POTEH: variants seen among roughly 807,000 people sequenced by gnomAD.
POTEH encodes the protein ANKRD26-like family C member 3.
POTEH carries 6 observed loss-of-function variants against 41.7 expected under a neutral mutation model. That is an observed-to-expected ratio of 0.14 (90% confidence interval 0.08 to 0.28). The LOEUF is 0.28. Among genes scored for constraint, POTEH ranks in the 10% least tolerant of loss-of-function variants. The pLI, the probability that POTEH is intolerant of heterozygous loss-of-function variation, is 1.00. For synonymous variants in POTEH, 38 were observed against 179.9 expected (o/e 0.21, Z 6.31); for missense variants, 115 against 533.5 (o/e 0.22, Z 7.73).
rs1398001818 is a variant in POTEH at position 15,690,809 on chromosome 22, A to C, written c.632+100A>C. 2.9e-6 allele frequency: 4 copies of C among 1,359,796 alleles called. 1 individual carries two copies. Among genetic ancestry groups the C allele is most frequent in the Non-Finnish European group, 4.1e-6 (4 of 982,274 alleles). 84.2% of individuals were successfully genotyped at this position (1,359,796 alleles called of 1,614,324 possible). On this transcript the variant is annotated intron_variant, in intron 1 of 10. Transcript: ENST00000343518. ...GGGAGCCTGGTTTTCTTGCCTCCAC[A>C]GGCCTCACACCACCCTGGATGTGGA...
chr22:15,692,008 A>ATATATATATATATAT (rs1192187472), intron 1 of POTEH, among the ~76,000 whole-genome samples: 3 of 115,548 alleles, frequency 2.6e-5, no homozygotes, highest in South Asian at 2.6e-4. Context: ...ATATATATAT[A>ATATATATATATATAT]AATTTCTTTT....
Position 15,691,981 on chromosome 22 carries a change from G to GATATATATATATATAT in POTEH, c.632+1275_632+1276insTATATATATATATATA, listed in dbSNP as rs1403078945. ...ACACAAGTGCCTATTTACATATGCAGATACATATATATATATATATATATA... is the reference window on the plus strand; with the variant it reads ...ACACAAGTGCCTATTTACATATGCAGATATATATATATATATATACATATATATATATATATATATA... On this transcript the variant is annotated intron_variant, in intron 1 of 10. Coordinates refer to ENST00000343518, the MANE Select transcript of POTEH (RefSeq NM_001136213.1). Among the ~76,000 whole-genome samples, 47 of 122,864 alleles carry GATATATATATATATAT rather than the reference G, an allele frequency of 3.8e-4. 1 individual carries two copies. Among genetic ancestry groups the GATATATATATATATAT allele is most frequent in the Non-Finnish European group, 6.0e-4 (34 of 57,070 alleles). The allele number at this position is 122,864 out of a possible 152,430, so 80.6% of individuals were successfully genotyped here. A position where few individuals can be genotyped will look rare whatever the true frequency, so the allele number is the denominator to read the frequency against.
intron 1 of POTEH, among the ~76,000 whole-genome samples, chr22:15,691,625 C>G (rs1416757055): frequency 7.0e-6 from 1 of 143,204 alleles, no homozygotes. Context: ...CACATGCTGT[C>G]TTTTATTATT....
Position 15,717,086 on chromosome 22 carries a change from A to G in POTEH, c.1521-2574A>G, listed in dbSNP as rs547919482. 4.8e-5 allele frequency among the ~76,000 whole-genome samples: 4 copies of G among 82,950 alleles called. 2 individuals carry two copies. Among genetic ancestry groups the G allele is most frequent in the Non-Finnish European group, 1.0e-4 (4 of 38,280 alleles). The allele number at this position is 82,950 out of a possible 152,430, so 54.4% of individuals were successfully genotyped here. A position where few individuals can be genotyped will look rare whatever the true frequency, so the allele number is the denominator to read the frequency against. On this transcript the variant is annotated intron_variant, in intron 9 of 10. Coordinates refer to ENST00000343518, the MANE Select transcript of POTEH (RefSeq NM_001136213.1). ...GAATTACCCAGTCTCGGGTATGTACATACGTATATGTGTGAGTGTATATAC... is the reference window on the plus strand; with the variant it reads ...GAATTACCCAGTCTCGGGTATGTACGTACGTATATGTGTGAGTGTATATAC...
intron 1 of POTEH, among the ~76,000 whole-genome samples, chr22:15,691,266 G>A (rs1472996920): frequency 6.4e-5 from 9 of 140,760 alleles, no homozygotes; most frequent in Non-Finnish European, 8.0e-5. Flanking sequence ...GCTCACACCT[G>A]TAATCCCAGC....
At position 15,690,263 on chromosome 22, in the gene POTEH, C is replaced by T. The variant is rs570524378; in HGVS notation, c.186C>T (p.Gly62=). ...SAMKTLRSKM[G]KWCCHCFPWC... ...TGAAGACACTCAGGAGCAAGATGGGCAAGTGGTGCTGCCACTGCTTCCCCT... is the reference window on the plus strand; with the variant it reads ...TGAAGACACTCAGGAGCAAGATGGGTAAGTGGTGCTGCCACTGCTTCCCCT... The change falls in exon 1 of 11, where the codon GGC becomes GGT. Residue 62 remains glycine, a synonymous_variant. Transcript: ENST00000343518. The T allele has an allele frequency of 1.4e-6, 2 of 1,410,600 alleles. No homozygotes were observed. The highest frequency in any genetic ancestry group is 2.0e-6 in the Non-Finnish European group (2 of 1,020,900). The allele number at this position is 1,410,600 out of a possible 1,614,324, so 87.4% of individuals were successfully genotyped here.
At chr22:15,718,810 G>A (rs1989961084) in intron 9 of POTEH, among the ~76,000 whole-genome samples, 1 of 151,158 alleles carries the variant, frequency 6.6e-6, no homozygotes. Context: ...AAGTAAAATG[G>A]AAAATGCTTA....
Position 15,690,106 on chromosome 22 carries a change from C to A in POTEH, c.29C>A (p.Ala10Asp), listed in dbSNP as rs1461983479. The A allele has an allele frequency of 7.1e-7, 1 of 1,407,374 alleles. No individual in the cohort carries two copies. The highest frequency in any genetic ancestry group is 1.2e-5 in the South Asian group (1 of 85,790). 87.2% of individuals were successfully genotyped at this position (1,407,374 alleles called of 1,614,324 possible). The change falls in exon 1 of 11, where the codon GCT becomes GAT. Residue 10 changes from alanine (A) to aspartate (D), a missense_variant. Physicochemically the swap from Ala to Asp is moderately radical, Grantham distance 126 (BLOSUM62 -2). Transcript: ENST00000343518. ...GTGGCTGAGGCTGGTTCAATGCCGG[C>A]TGCCTCCTCTGTGAAGAAGCCATTT... Reference protein sequence around the residue: MVAEAGSMPAASSVKKPFGL... With the variant: MVAEAGSMPDASSVKKPFGL...
In POTEH at chr22:15,693,152, C is replaced by T. The variant is rs1195489155; in HGVS notation, c.633-2219C>T. ...AAAATCAGTTTGTTACACATATACACGAACAGAATCTGCTCTTGTGTTAGC... is the reference window on the plus strand; with the variant it reads ...AAAATCAGTTTGTTACACATATACATGAACAGAATCTGCTCTTGTGTTAGC... On this transcript the variant is annotated intron_variant, in intron 1 of 10. Coordinates refer to ENST00000343518, the MANE Select transcript of POTEH (RefSeq NM_001136213.1). Among the ~76,000 whole-genome samples the T allele has an allele frequency of 2.8e-3, 372 of 133,938 alleles. 2 individuals carry two copies. Among genetic ancestry groups the T allele is most frequent in the African/African-American group, 9.5e-3 (348 of 36,770 alleles). 87.9% of individuals were successfully genotyped at this position (133,938 alleles called of 152,430 possible). A position where few individuals can be genotyped will look rare whatever the true frequency, so the allele number is the denominator to read the frequency against.
chr22:15,714,254 G>A (rs1989884382), intron 9 of POTEH, among the ~76,000 whole-genome samples: 1 of 152,170 alleles, frequency 6.6e-6, no homozygotes, highest in Non-Finnish European at 1.5e-5. Flanking sequence ...GGAATTGATA[G>A]TCCTGGTTTT....
rs1346753569 is a variant in POTEH, at chr22:15,691,517, C to T, written c.632+808C>T. Among the ~76,000 whole-genome samples the T allele has an allele frequency of 7.0e-5, 7 of 100,390 alleles. 1 individual carries two copies. Among genetic ancestry groups the T allele is most frequent in the Admixed American group, 2.2e-4 (2 of 9,026 alleles). 65.9% of individuals were successfully genotyped at this position (100,390 alleles called of 152,430 possible). On this transcript the variant is annotated intron_variant, in intron 1 of 10. Coordinates refer to ENST00000343518, the MANE Select transcript of POTEH (RefSeq NM_001136213.1). ...GTAGAGCCTGGGAGACAGAGCAAGACTCCGTCTCAAAAAAAAAAAAAAAAA... is the reference window on the plus strand; with the variant it reads ...GTAGAGCCTGGGAGACAGAGCAAGATTCCGTCTCAAAAAAAAAAAAAAAAA...
chr22:15,703,568 A>C (rs1233871223), intron 6 of POTEH, among the ~76,000 whole-genome samples: 1 of 137,758 alleles, frequency 7.3e-6, no homozygotes, highest in African/African-American at 2.7e-5. Context: ...ACCATTTGCC[A>C]AAAGAGTGTC....
At chr22:15,690,848 T>C (rs563659851) in intron 1 of POTEH, 139 bp downstream of exon 1, 1 of 1,115,682 alleles carries the variant, frequency 9.0e-7, no homozygotes, top group African/African-American at 1.7e-5. Context: ...CTCAGAGAGT[T>C]CAGGGCACAG....
At chr22:15,692,900 T>C (rs1989360230) in intron 1 of POTEH, among the ~76,000 whole-genome samples, 1 of 127,108 alleles carries the variant, frequency 7.9e-6, no homozygotes, top group Admixed American at 8.0e-5. Flanking sequence ...AAAAATGTTA[T>C]GCTTTTTACT....
intron 3 of POTEH, among the ~76,000 whole-genome samples, chr22:15,696,245 T>TA (rs1299524666): frequency 1.0e-5 from 1 of 96,462 alleles, no homozygotes; most frequent in Non-Finnish European, 2.0e-5. Flanking sequence ...CAGTAATAGA[T>TA]ACGAGGTGAT....
At chr22:15,703,580 T>C (rs1040409579) in intron 6 of POTEH, among the ~76,000 whole-genome samples, 3 of 141,124 alleles carry the variant, frequency 2.1e-5, no homozygotes, top group African/African-American at 8.0e-5. Context: ...AAGAGTGTCA[T>C]AATAAATATG....
rs1417356215 is a variant in POTEH at position 15,690,902 on chromosome 22, T to A, written c.632+193T>A. On this transcript the variant is annotated intron_variant, in intron 1 of 10. Transcript: ENST00000343518. ...ACACAAAAACAAAACTTTAGCTGAT[T>A]TCCAATCAAATCATAATTTCCTTCC... Among the ~76,000 whole-genome samples, 2 of 130,154 alleles carry A rather than the reference T, an allele frequency of 1.5e-5. 1 individual carries two copies. The highest frequency in any genetic ancestry group is 5.5e-5 in the African/African-American group (2 of 36,242). 85.4% of individuals were successfully genotyped at this position (130,154 alleles called of 152,430 possible). A position where few individuals can be genotyped will look rare whatever the true frequency, so the allele number is the denominator to read the frequency against.
intron 1 of POTEH, among the ~76,000 whole-genome samples, chr22:15,693,427 G>A (rs1294215021): frequency 6.6e-6 from 1 of 152,200 alleles, no homozygotes. Context: ...AGAAGTAGAG[G>A]GATTGTGTTT....
intron 9 of POTEH, among the ~76,000 whole-genome samples, chr22:15,717,069 C>T (rs1446008090): frequency 1.3e-5 from 1 of 76,332 alleles, no homozygotes; most frequent in African/African-American, 4.0e-5. Context: ...ATGAATTACC[C>T]AGTCTCGGGT....
Sources: gnomAD v4.1 joint callset for allele counts (sites outside exome capture counted in the v4.1 genomes callset) on GRCh38, gnomAD v4.1.1 for gene constraint, MANE v1.5 for transcripts, NCBI Gene and HGNC (gene_info 2026-07-23, HGNC 2026-07-21) for gene names.